CTTNBP2: variants seen among roughly 807,000 people sequenced by gnomAD.
CTTNBP2 encodes the protein cortactin binding protein 2, also known as cortactin-binding protein 2.
CTTNBP2 carries 108 observed loss-of-function variants against 156.9 expected under a neutral mutation model. That is an observed-to-expected ratio of 0.69 (90% CI 0.59 to 0.81). The LOEUF (loss-of-function observed/expected upper bound fraction) is 0.81. CTTNBP2 is among the 30% of genes least tolerant of loss of function. CTTNBP2 has a pLI of 0.00. For synonymous variants in CTTNBP2, 767 were observed against 751.8 expected, an observed-to-expected ratio of 1.02 and a Z score of -0.33; for missense variants, 1,924 against 2,035.4, an observed-to-expected ratio of 0.95 and a Z score of 1.05.
intron 22 of CTTNBP2, among the ~76,000 whole-genome samples, chr7:117,714,914 C>T (rs1163955603): frequency 2.6e-5 from 4 of 152,190 alleles, no homozygotes; most frequent in Non-Finnish European, 4.4e-5. Context: ...TTTAATGCTT[C>T]CTGGGCTAAA....
intron 3 of CTTNBP2, among the ~76,000 whole-genome samples, chr7:117,794,877 CTTTTTTT>C (rs755340586): frequency 2.3e-5 from 2 of 88,322 alleles, no homozygotes; most frequent in African/African-American, 5.3e-5. Flanking sequence ...ATATGTATAT[CTTTTTTT>C]TTTTTTTTTT....
intron 2 of CTTNBP2, among the ~76,000 whole-genome samples, chr7:117,827,511 C>G (rs7782508): frequency 0.035 from 5,314 of 152,142 alleles, 118 homozygotes; most frequent in African/African-American, 0.067. Flanking sequence ...AAGCTTCTTA[C>G]AAAAAATAGA....
rs201419286 is a variant in CTTNBP2 at position 117,847,819 on chromosome 7, C to CTTTTTTTTT, written c.189+13381_189+13389dup. Among the ~76,000 whole-genome samples the CTTTTTTTTT allele has an allele frequency of 1.8e-3, 168 of 91,334 alleles. 26 individuals carry two copies. Among genetic ancestry groups the CTTTTTTTTT allele is most frequent in the African/African-American group, 7.2e-3 (152 of 20,988 alleles). The allele number at this position is 91,334 out of a possible 152,430, so 59.9% of individuals were successfully genotyped here. On this transcript the variant is annotated intron_variant, in intron 2 of 22. Coordinates refer to ENST00000160373, the MANE Select transcript of CTTNBP2 (RefSeq NM_033427.3). ...TTTTTATAGATCTTCTTTGCCTAAC[C>CTTTTTTTTT]TTTTTTTTTTTTTTTTTTTTTTTTT...
intron 22 of CTTNBP2, among the ~76,000 whole-genome samples, chr7:117,713,539 C>A (rs1371512916): frequency 3.3e-5 from 5 of 152,186 alleles, no homozygotes; most frequent in Non-Finnish European, 7.3e-5. Context: ...TCCTCACCAA[C>A]CTAATCCAAT....
At chr7:117,767,199 A>T in intron 8 of CTTNBP2, 23 bp from the exon 9 acceptor site, 1 of 1,286,706 alleles carries the variant, frequency 7.8e-7, no homozygotes, top group East Asian at 2.3e-5. Flanking sequence ...GAGCTCTATT[A>T]CCTCCAAGTC....
At chr7:117,869,627 T>C (rs1468948543) in intron 1 of CTTNBP2, among the ~76,000 whole-genome samples, 1 of 152,176 alleles carries the variant, frequency 6.6e-6, no homozygotes, top group Admixed American at 6.5e-5. Context: ...CACACAAGGA[T>C]AGAACCAACT....
intron 2 of CTTNBP2, among the ~76,000 whole-genome samples, chr7:117,817,361 A>AAATATATAT (rs1554437688): frequency 1.9e-5 from 1 of 53,286 alleles, no homozygotes; most frequent in African/African-American, 7.5e-5. Flanking sequence ...AAAAAAAAAA[A>AAATATATAT]ATATATATAT....
intron 2 of CTTNBP2, among the ~76,000 whole-genome samples, chr7:117,858,557 G>A (rs946872535): frequency 6.6e-6 from 1 of 152,180 alleles, no homozygotes; most frequent in African/African-American, 2.4e-5. Flanking sequence ...GTCTTGGCCA[G>A]TGGTTCTCCA....
At chr7:117,757,076 C>T (rs969697621) in intron 11 of CTTNBP2, among the ~76,000 whole-genome samples, 3 of 152,164 alleles carry the variant, frequency 2.0e-5, no homozygotes, top group Non-Finnish European at 2.9e-5. Flanking sequence ...GCCACCCCTC[C>T]CCCCAAGTTC....
chr7:117,729,957 G>A (rs377284673), intron 16 of CTTNBP2, among the ~76,000 whole-genome samples: 4 of 152,162 alleles, frequency 2.6e-5, no homozygotes, highest in African/African-American at 7.2e-5. Context: ...GTGGAGGAGC[G>A]GTCAAAATGG....
intron 4 of CTTNBP2, among the ~76,000 whole-genome samples, chr7:117,787,806 C>T (rs1249967653): frequency 1.3e-5 from 2 of 152,106 alleles, no homozygotes; most frequent in African/African-American, 4.8e-5. Flanking sequence ...TCCAATTTTC[C>T]TTGGGGCTCT....
intron 3 of CTTNBP2, among the ~76,000 whole-genome samples, chr7:117,809,878 T>C (rs1800164447): frequency 6.6e-6 from 1 of 152,206 alleles, no homozygotes; most frequent in Non-Finnish European, 1.5e-5. Flanking sequence ...AATTTATGCT[T>C]TAATAATAAT....
At chr7:117,745,740 TC>T (rs1796290539) in intron 14 of CTTNBP2, 90 bp downstream of exon 14, 2 of 819,848 alleles carry the variant, frequency 2.4e-6, no homozygotes, top group Admixed American at 4.7e-5. Context: ...CTTAAATGTA[TC>T]CCCAAGCAAC....
chr7:117,862,165 C>A (rs1320678848), intron 1 of CTTNBP2, among the ~76,000 whole-genome samples: 1 of 152,086 alleles, frequency 6.6e-6, no homozygotes, highest in Non-Finnish European at 1.5e-5. Context: ...GGGTTTGGAA[C>A]CCCTGCTGTT....
chr7:117,860,420 G>A (rs935050942), intron 2 of CTTNBP2, among the ~76,000 whole-genome samples: 3 of 151,202 alleles, frequency 2.0e-5, no homozygotes, highest in African/African-American at 4.9e-5. Flanking sequence ...TCGACTCACC[G>A]CAAGCTCCAC....
chr7:117,742,108 A>G (rs539141644), intron 14 of CTTNBP2, among the ~76,000 whole-genome samples: 1 of 152,288 alleles, frequency 6.6e-6, no homozygotes, highest in East Asian at 1.9e-4. Context: ...GCAGTGAATC[A>G]CAGAAGCGTC....
chr7:117,728,311 A>G (rs1795216619), intron 16 of CTTNBP2, 44 bp from the exon 17 acceptor site: 1 of 1,470,200 alleles, frequency 6.8e-7, no homozygotes, highest in Non-Finnish European at 9.2e-7. Context: ...GGTTTAGAAC[A>G]TTTTGTTTTT....
At chr7:117,755,831 C>T (rs1309601371) in intron 12 of CTTNBP2, among the ~76,000 whole-genome samples, 1 of 152,188 alleles carries the variant, frequency 6.6e-6, no homozygotes, top group South Asian at 2.1e-4. Flanking sequence ...AGCTAGGCAC[C>T]GATAGGTGTC....
chr7:117,773,676 CA>C (rs1442346957), intron 8 of CTTNBP2, among the ~76,000 whole-genome samples: 5 of 149,868 alleles, frequency 3.3e-5, no homozygotes, highest in Non-Finnish European at 5.9e-5. Flanking sequence ...CACACACACA[CA>C]CACACACACA....
Sources: gnomAD v4.1 joint callset for allele counts (sites outside exome capture counted in the v4.1 genomes callset) on GRCh38, gnomAD v4.1.1 for gene constraint, MANE v1.5 for transcripts, NCBI Gene and HGNC (gene_info 2026-07-23, HGNC 2026-07-21) for gene names.